FAM13B: variants seen among roughly 807,000 people sequenced by gnomAD.
FAM13B encodes family with sequence similarity 13 member B.
FAM13B carries 60 observed loss-of-function variants against 117.3 expected under a neutral mutation model. That is an observed-to-expected ratio of 0.51 (90% CI 0.42 to 0.63). The LOEUF is 0.63. Among genes scored for constraint, FAM13B ranks in the 30% least tolerant of loss-of-function variants. The pLI, the probability that FAM13B is intolerant of heterozygous loss-of-function variation, is 0.00. For missense variants in FAM13B, 972 were observed against 1,091.9 expected (o/e 0.89, Z 1.55); for synonymous variants, 332 against 356.1 (o/e 0.93, Z 0.76).
At chr5:138,051,734 A>G (rs1193406947) in intron 1 of FAM13B, 1 of 152,230 alleles carries the variant, frequency 6.6e-6, no homozygotes, top group Non-Finnish European at 1.5e-5. Flanking sequence ...CCCATTTTGC[A>G]GATGAGAAAT....
At chr5:137,994,199 G>T (rs933592102) in intron 7 of FAM13B, among the ~76,000 whole-genome samples, 10 of 152,234 alleles carry the variant, frequency 6.6e-5, no homozygotes, top group Non-Finnish European at 1.5e-4. Flanking sequence ...AATATGCTGG[G>T]ACAATCAAAT....
At chr5:138,016,163 G>A (rs1460577157) in intron 4 of FAM13B, among the ~76,000 whole-genome samples, 30 of 152,140 alleles carry the variant, frequency 2.0e-4, no homozygotes, top group Non-Finnish European at 1.5e-5. Context: ...ACCAGGCCAT[G>A]GCTAAGACTG....
intron 18 of FAM13B, 29 bp from the exon 19 acceptor site, chr5:137,946,340 T>G: frequency 2.5e-6 from 3 of 1,219,542 alleles, no homozygotes; most frequent in South Asian, 4.2e-5. Flanking sequence ...AATAACAAAA[T>G]ACAAAAAAAA....
chr5:138,035,223 C>A (rs757162535), upstream of FAM13B, among the ~76,000 whole-genome samples: 1 of 151,508 alleles, frequency 6.6e-6, no homozygotes, highest in Non-Finnish European at 1.5e-5. Context: ...GTTGCCCAGG[C>A]CTCTCTTGAA....
chr5:137,986,434 CCA>C (rs1491363564), intron 9 of FAM13B, among the ~76,000 whole-genome samples: 7 of 56,602 alleles, frequency 1.2e-4, no homozygotes, highest in East Asian at 4.5e-3. Context: ...CTTCCCCCCC[CCA>C]AAAAAAATTG....
intron 10 of FAM13B, among the ~76,000 whole-genome samples, chr5:137,981,896 GAGGAGATTT>G (rs1395984542): frequency 6.6e-6 from 1 of 152,164 alleles, no homozygotes; most frequent in Non-Finnish European, 1.5e-5. Context: ...AGACAGTGAT[GAGGAGATTT>G]GGTAAAACTG....
At chr5:137,956,666 C>T (rs1032470380) in intron 13 of FAM13B, 124 bp from the exon 14 acceptor site, 1 of 470,718 alleles carries the variant, frequency 2.1e-6, no homozygotes, top group African/African-American at 2.0e-5. Flanking sequence ...GTTAGGCATT[C>T]TGTTCAAAAA....
Position 138,011,921 on chromosome 5 carries a change from C to T in FAM13B, c.395G>A (p.Gly132Glu). The part of the protein sequence containing the change: ...SQDYNNEDEF[G>E]RKLRFLLQQL... ...TTGCAAGAGGAACCTCAACTTTCTT[C>T]CAAATTCATCTTCATTATTATAATC... is the stretch of plus-strand genomic sequence containing the variant. The change falls in exon 5 of 24, where the codon GGA becomes GAA. Residue 132 changes from glycine to glutamate, a missense_variant. Transcript: ENST00000689681. The T allele has an allele frequency of 1.3e-6, 2 of 1,587,224 alleles. No homozygotes were observed. The highest frequency in any genetic ancestry group is 2.7e-5 in the African/African-American group (2 of 72,948).
intron 13 of FAM13B, among the ~76,000 whole-genome samples, chr5:137,958,048 A>G (rs1182725640): frequency 6.6e-6 from 1 of 152,260 alleles, no homozygotes; most frequent in Non-Finnish European, 1.5e-5. Context: ...TGCATCTTCT[A>G]ATAGGAAGAA....
intron 13 of FAM13B, 110 bp downstream of exon 13, chr5:137,959,506 A>G: frequency 8.9e-7 from 1 of 1,119,388 alleles, no homozygotes; most frequent in Non-Finnish European, 1.3e-6. Context: ...AGAACAGAAG[A>G]TCAAGATGAA....
At position 137,940,334 on chromosome 5, in the gene FAM13B, T is replaced by C; in HGVS notation, c.2705A>G (p.Glu902Gly). 3 of 1,603,940 alleles carry C rather than the reference T, an allele frequency of 1.9e-6. No homozygotes were observed. Among genetic ancestry groups the C allele is most frequent in the Non-Finnish European group, 2.6e-6 (3 of 1,173,666 alleles). ...CTCCTCAAGCACTGGAACACGATCC[T>C]CTTTCTGGGCATTCCTAGGGGAGAA... ...YQQNGRNAQKEDRVPVLEEYR... is the reference protein window; with the variant it reads ...YQQNGRNAQKGDRVPVLEEYR... Residue 902 changes from glutamate (E) to glycine (G), a missense_variant, in exon 24 of 24, where the codon GAG (glutamate) becomes GGG (glycine). Transcript: ENST00000689681.
At chr5:138,015,340 C>T (rs1350721370) in intron 4 of FAM13B, among the ~76,000 whole-genome samples, 1 of 152,256 alleles carries the variant, frequency 6.6e-6, no homozygotes. Flanking sequence ...GCAACTGCAA[C>T]AGTGCTTCTT....
At chr5:137,957,563 A>G (rs930113553) in intron 13 of FAM13B, among the ~76,000 whole-genome samples, 8 of 151,126 alleles carry the variant, frequency 5.3e-5, no homozygotes. Flanking sequence ...AAAAAAAAAA[A>G]TTGGAGGAAT....
upstream of FAM13B, among the ~76,000 whole-genome samples, chr5:138,036,023 G>C (rs977522358): frequency 6.6e-6 from 1 of 152,068 alleles, no homozygotes; most frequent in Non-Finnish European, 1.5e-5. Flanking sequence ...TGAAACCTGG[G>C]CATCTCTGTA....
chr5:137,993,549 G>A (rs745599593), intron 7 of FAM13B, among the ~76,000 whole-genome samples: 1 of 151,952 alleles, frequency 6.6e-6, no homozygotes, highest in African/African-American at 2.4e-5. Context: ...GGGAGGCTGA[G>A]GCGGGCAGAT....
chr5:138,026,938 C>CAAAT (rs36001323), intron 1 of FAM13B, among the ~76,000 whole-genome samples: 10,761 of 137,322 alleles, frequency 0.078, 465 homozygotes, highest in Non-Finnish European at 0.086. Flanking sequence ...GACTCCATCT[C>CAAAT]AAATAAATAA....
intron 7 of FAM13B, among the ~76,000 whole-genome samples, chr5:138,000,219 G>A (rs890484457): frequency 3.9e-5 from 6 of 151,998 alleles, no homozygotes; most frequent in African/African-American, 1.2e-4. Context: ...GCAACGTAAC[G>A]AGACCTTGTA....
chr5:138,014,826 A>G (rs1784880573), intron 4 of FAM13B, among the ~76,000 whole-genome samples: 1 of 152,254 alleles, frequency 6.6e-6, no homozygotes, highest in African/African-American at 2.4e-5. Flanking sequence ...GTCTTCAAAT[A>G]AGGCAGAGAA....
intron 13 of FAM13B, among the ~76,000 whole-genome samples, chr5:137,958,547 G>GC (rs1767224780): frequency 6.6e-6 from 1 of 152,136 alleles, no homozygotes; most frequent in African/African-American, 2.4e-5. Flanking sequence ...TAGAATTCCT[G>GC]TTATTGCCAG....
Sources: allele counts gnomAD v4.1 joint callset (sites outside exome capture counted in the v4.1 genomes callset), GRCh38; gene constraint gnomAD v4.1.1; transcripts MANE v1.5; gene names NCBI Gene and HGNC (gene_info 2026-07-23, HGNC 2026-07-21).